PAN3: variants seen among roughly 807,000 people sequenced by gnomAD.
The protein encoded by PAN3 is PAN2-PAN3 deadenylation complex subunit PAN3.
In PAN3, 19 loss-of-function variants were observed where a neutral mutation model predicts 96.2. That is an observed-to-expected ratio of 0.20 (90% confidence interval 0.14 to 0.29). The LOEUF (loss-of-function observed/expected upper bound fraction) is 0.29. Ranked by LOEUF, PAN3 falls within the 10% of genes least tolerant of loss-of-function variation. The pLI, the probability that PAN3 is intolerant of heterozygous loss-of-function variation, is 1.00. For missense variants in PAN3, 882 were observed against 1,108.1 expected (o/e 0.80, Z 2.90); for synonymous variants, 433 against 406.6 (o/e 1.06, Z -0.78).
At chr13:28,284,208 T>C (rs1868670749) in intron 17 of PAN3, among the ~76,000 whole-genome samples, 1 of 152,158 alleles carries the variant, frequency 6.6e-6, no homozygotes, top group African/African-American at 2.4e-5. Flanking sequence ...TGAATTTAAA[T>C]GCAGTTTTAT....
intron 1 of PAN3, among the ~76,000 whole-genome samples, chr13:28,148,354 C>T (rs565933485): frequency 1.3e-5 from 2 of 152,228 alleles, no homozygotes; most frequent in East Asian, 3.9e-4. Context: ...ACAATCATAG[C>T]TCGCTGCAGC....
rs74881179 is a variant in PAN3, at chr13:28,142,511, A to ATTTTTTTTTTTTTTT, written c.430+3429_430+3443dup. Among the ~76,000 whole-genome samples the ATTTTTTTTTTTTTTT allele has an allele frequency of 2.2e-3, 283 of 126,598 alleles. 10 individuals carry two copies. Among genetic ancestry groups the ATTTTTTTTTTTTTTT allele is most frequent in the African/African-American group, 8.7e-3 (269 of 30,864 alleles). 83.1% of individuals were successfully genotyped at this position (126,598 alleles called of 152,430 possible). On this transcript the variant is annotated intron_variant, in intron 1 of 18. Transcript: ENST00000380958. ...TGTGAGGCAGTTAAAATAGATGGCA[A>ATTTTTTTTTTTTTTT]TTTTTTTTTTTTTTTTTTTGAGACA...
At chr13:28,175,622 A>AT (rs1874865113) in intron 2 of PAN3, among the ~76,000 whole-genome samples, 2 of 152,104 alleles carry the variant, frequency 1.3e-5, no homozygotes, top group Non-Finnish European at 2.9e-5. Flanking sequence ...TTTTTGAATT[A>AT]TTTTAACTTA....
At chr13:28,220,207 T>C in intron 5 of PAN3, 24 bp from the exon 6 acceptor site, 1 of 1,607,322 alleles carries the variant, frequency 6.2e-7, no homozygotes, top group Non-Finnish European at 8.5e-7. Context: ...GTGTGTTAAC[T>C]TACTATATTT....
rs1645004593 is a variant in PAN3, at chr13:28,138,673, G to A, written c.16G>A (p.Gly6Ser). Residue 6 changes from glycine to serine, a missense_variant, in exon 1 of 19, where the codon GGC (glycine) becomes AGC (serine). Gly to Ser is a moderately conservative substitution (Grantham distance 56). This residue lies in a region of PAN3 where 442 missense variants were observed against 422.8 expected (regional missense o/e 1.05). Transcript: ENST00000380958. ...CGGCGTTGCCATGAACAGTGGCGGC[G>A]GCCTCCCGCCCCCCTCGGCCGCCGC... Reference protein sequence around the residue: MNSGGGLPPPSAAASP... With the variant: MNSGGSLPPPSAAASP... 1 of 799,258 alleles carries A rather than the reference G, an allele frequency of 1.3e-6. No homozygotes were observed. The highest frequency in any genetic ancestry group is 2.7e-4 in the Middle Eastern group (1 of 3,770). The allele number at this position is 799,258 out of a possible 1,614,324, so 49.5% of individuals were successfully genotyped here.
chr13:28,202,658 T>TACACAC (rs140754799), intron 5 of PAN3, among the ~76,000 whole-genome samples: 267 of 150,100 alleles, frequency 1.8e-3, no homozygotes, highest in African/African-American at 6.2e-3. Flanking sequence ...TATATATGTA[T>TACACAC]ACACACACAC....
At chr13:28,233,766 A>G (rs1375890418) in intron 6 of PAN3, among the ~76,000 whole-genome samples, 1 of 152,208 alleles carries the variant, frequency 6.6e-6, no homozygotes, top group Non-Finnish European at 1.5e-5. Flanking sequence ...TCACTGGCAA[A>G]TATCAGGTTT....
At chr13:28,146,245 T>G (rs1339931269) in intron 1 of PAN3, among the ~76,000 whole-genome samples, 1 of 151,826 alleles carries the variant, frequency 6.6e-6, no homozygotes, top group Non-Finnish European at 1.5e-5. Flanking sequence ...GTATATATAT[T>G]AAAATATATG....
chr13:28,248,293 G>A lies in PAN3; in HGVS notation c.1001-7999G>A, dbSNP rs1884397997. Among the ~76,000 whole-genome samples the A allele has an allele frequency of 2.0e-5, 3 of 152,152 alleles. No individual in the cohort carries two copies. The South Asian group carries it at 6.2e-4, about 32-fold the overall frequency. The stretch of plus-strand genomic sequence containing the variant: ...ATATCCTGAAACTTTTACTAAGTTT[G>A]TTTATCACTTCTGACAGTTTTTGGG... On this transcript the variant is annotated intron_variant, in intron 6 of 18. Coordinates refer to ENST00000380958, the MANE Select transcript of PAN3 (RefSeq NM_175854.8).
At position 28,280,472 on chromosome 13, in the gene PAN3, T is replaced by A. The variant is rs150461571; in HGVS notation, c.2250T>A (p.Gly750=). The change falls in exon 16 of 19, where the codon GGT becomes GGA. Residue 750 remains glycine, a synonymous_variant. Coordinates refer to ENST00000380958, the MANE Select transcript of PAN3 (RefSeq NM_175854.8). ...RSVNDIMPMI[G]ARFYTQLDAA... is the part of the protein sequence containing the mutation. ...TAAATGACATCATGCCCATGATTGGTGCTCGATTTTATACTCAATTGGATG... is the reference window on the plus strand; with the variant it reads ...TAAATGACATCATGCCCATGATTGGAGCTCGATTTTATACTCAATTGGATG... The A allele has an allele frequency of 2.2e-5, 35 of 1,613,668 alleles. No homozygotes were observed. Among genetic ancestry groups the A allele is most frequent in the Non-Finnish European group, 3.0e-5 (35 of 1,179,864 alleles).
At chr13:28,223,537 T>C (rs1473334366) in intron 6 of PAN3, among the ~76,000 whole-genome samples, 1 of 151,752 alleles carries the variant, frequency 6.6e-6, no homozygotes, top group African/African-American at 2.4e-5. Context: ...CTTCCAAAAT[T>C]TAAGAACCAC....
At chr13:28,260,424 T>A (rs760101508) in intron 7 of PAN3, 23 bp from the exon 8 acceptor site, 1 of 1,533,674 alleles carries the variant, frequency 6.5e-7, no homozygotes, top group South Asian at 1.1e-5. Context: ...GTGATTACAT[T>A]TACCCCCTTC....
intron 1 of PAN3, among the ~76,000 whole-genome samples, chr13:28,142,774 G>A (rs77522724): frequency 6.6e-6 from 1 of 152,038 alleles, no homozygotes; most frequent in African/African-American, 2.4e-5. Flanking sequence ...ACAAATTTCT[G>A]GTTTCCCTTT....
intron 5 of PAN3, among the ~76,000 whole-genome samples, chr13:28,200,501 A>C (rs45455791): frequency 6.6e-6 from 1 of 152,142 alleles, no homozygotes; most frequent in Non-Finnish European, 1.5e-5. Flanking sequence ...GCAGTCATTC[A>C]TACTGCATTT....
intron 1 of PAN3, among the ~76,000 whole-genome samples, chr13:28,173,897 T>C (rs1021684032): frequency 6.6e-6 from 1 of 152,220 alleles, no homozygotes; most frequent in African/African-American, 2.4e-5. Context: ...AGAAACAGTC[T>C]TGAGAAAATT....
intron 18 of PAN3, among the ~76,000 whole-genome samples, chr13:28,290,558 G>A (rs995989096): frequency 1.3e-5 from 2 of 152,126 alleles, no homozygotes; most frequent in Non-Finnish European, 2.9e-5. Context: ...GTACATGCCT[G>A]TAATCCCAGC....
intron 6 of PAN3, among the ~76,000 whole-genome samples, chr13:28,248,824 C>T (rs539471753): frequency 9.2e-5 from 14 of 152,166 alleles, no homozygotes; most frequent in African/African-American, 3.1e-4. Flanking sequence ...TTTTCTCATT[C>T]GATATGGTGT....
At position 28,180,461 on chromosome 13, in the gene PAN3, G is replaced by A. The variant is rs76819416; in HGVS notation, c.690+2526G>A. On this transcript the variant is annotated intron_variant, in intron 4 of 18. Transcript: ENST00000380958. ...CAAATCTCAAAATCTCTTTACATTA[G>A]AAATACTCTTGGCATAGGAGTATGA... Among the ~76,000 whole-genome samples the A allele has an allele frequency of 6.8e-3, 1,039 of 152,178 alleles. 10 individuals carry two copies. Among genetic ancestry groups the A allele is most frequent in the African/African-American group, 0.024 (1,004 of 41,518 alleles).
In PAN3 at chr13:28,285,434, TTTTG is replaced by T. The variant is rs575683286; in HGVS notation, c.2385-2526_2385-2523del. Among the ~76,000 whole-genome samples the T allele has an allele frequency of 5.1e-4, 77 of 152,020 alleles. 1 individual carries two copies. The highest frequency in any genetic ancestry group is 1.8e-3 in the Admixed American group (27 of 15,260). On this transcript the variant is annotated intron_variant, in intron 17 of 18. Transcript: ENST00000380958. Reference sequence around the variant, plus strand: ...CCTTTCCTTCCTCCAAGCTTTTGGGTTTTGTTTGTTTGTTTGTTTGTTTGTTTAG... The same window carrying T: ...CCTTTCCTTCCTCCAAGCTTTTGGGTTTTGTTTGTTTGTTTGTTTGTTTAG...
Sources: allele counts gnomAD v4.1 joint callset (sites outside exome capture counted in the v4.1 genomes callset), GRCh38; gene constraint gnomAD v4.1.1; regional missense constraint gnomAD v4.1.1; transcripts MANE v1.5; gene names NCBI Gene and HGNC (gene_info 2026-07-23, HGNC 2026-07-21).